Variants in PTPRG observed in about 807,000 individuals in gnomAD.
The protein encoded by PTPRG is receptor-type tyrosine-protein phosphatase gamma.
Under a neutral mutation model 165.3 loss-of-function variants are expected in PTPRG, and 102 were observed. That is an observed-to-expected ratio of 0.62 (90% CI 0.53 to 0.73). The LOEUF (loss-of-function observed/expected upper bound fraction) is 0.73. PTPRG is among the 30% of genes least tolerant of loss of function. The probability of loss-of-function intolerance (pLI) is 0.00; values close to 1 mark genes in which losing one functional copy is unlikely to be tolerated. For synonymous variants in PTPRG, 675 were observed against 669.5 expected (o/e 1.01, Z -0.13); for missense variants, 1,866 against 1,861.4 (o/e 1.00, Z -0.05).
At chr3:62,138,193 TG>T (rs1229228279) in intron 6 of PTPRG, among the ~76,000 whole-genome samples, 1 of 152,198 alleles carries the variant, frequency 6.6e-6, no homozygotes, top group Admixed American at 6.5e-5. Flanking sequence ...ATTTGCTTTT[TG>T]TCTAACATCA....
At chr3:61,905,690 T>G (rs1323533287) in intron 2 of PTPRG, among the ~76,000 whole-genome samples, 1 of 152,164 alleles carries the variant, frequency 6.6e-6, no homozygotes, top group Non-Finnish European at 1.5e-5. Context: ...ACCAAGCAGG[T>G]TCAGATATCT....
chr3:61,670,731 G>A (rs2107065231), intron 1 of PTPRG, among the ~76,000 whole-genome samples: 1 of 152,240 alleles, frequency 6.6e-6, no homozygotes, highest in East Asian at 1.9e-4. Flanking sequence ...TATTAGACTG[G>A]GCGCGAGTTT....
rs1312840006 is a variant in PTPRG at position 61,680,772 on chromosome 3, G to T, written c.86-68106G>T. 2.9e-5 allele frequency among the ~76,000 whole-genome samples: 2 copies of T among 69,426 alleles called. 1 individual carries two copies. The highest frequency in any genetic ancestry group is 8.1e-5 in the Non-Finnish European group (2 of 24,646). 45.5% of individuals were successfully genotyped at this position (69,426 alleles called of 152,430 possible). ...CAGGTTGCAGGGAGGTGGGGATGGG[G>T]ATGACTAGGGTCACAGCAGGCAATA... is the stretch of plus-strand genomic sequence containing the variant. On this transcript the variant is annotated intron_variant, in intron 1 of 29. Coordinates refer to ENST00000474889, the MANE Select transcript of PTPRG (RefSeq NM_002841.4).
chr3:61,582,382 A>G (rs1263923706), intron 1 of PTPRG, among the ~76,000 whole-genome samples: 1 of 152,210 alleles, frequency 6.6e-6, no homozygotes, highest in Admixed American at 6.5e-5. Flanking sequence ...AACCACATGT[A>G]GCCAAAGTGG....
At chr3:62,115,970 C>G (rs958427217) in intron 5 of PTPRG, among the ~76,000 whole-genome samples, 1 of 152,164 alleles carries the variant, frequency 6.6e-6, no homozygotes, top group Non-Finnish European at 1.5e-5. Flanking sequence ...ACAGTAATAA[C>G]CAGTATTTTG....
At chr3:61,793,973 G>A (rs2034971046) in intron 2 of PTPRG, among the ~76,000 whole-genome samples, 1 of 152,188 alleles carries the variant, frequency 6.6e-6, no homozygotes, top group Admixed American at 6.5e-5. Flanking sequence ...CAAACACCTT[G>A]TTGGAGCAAA....
chr3:62,197,714 C>T (rs1333258928), intron 10 of PTPRG, among the ~76,000 whole-genome samples: 1 of 152,160 alleles, frequency 6.6e-6, no homozygotes, highest in Non-Finnish European at 1.5e-5. Flanking sequence ...AACTGCCTTA[C>T]CTGATTAATA....
At chr3:61,571,974 AT>A (rs1448486482) in intron 1 of PTPRG, among the ~76,000 whole-genome samples, 1 of 152,096 alleles carries the variant, frequency 6.6e-6, no homozygotes, top group East Asian at 1.9e-4. Flanking sequence ...GGCTTCTAAA[AT>A]TTTTTTCTGG....
intron 2 of PTPRG, among the ~76,000 whole-genome samples, chr3:61,826,848 T>C (rs1194461579): frequency 1.3e-4 from 20 of 151,194 alleles, no homozygotes; most frequent in East Asian, 3.9e-4. Flanking sequence ...TTTTTTTTTT[T>C]CCGATTATGT....
chr3:62,283,337 T>A (rs936149282), intron 28 of PTPRG, among the ~76,000 whole-genome samples: 1 of 152,094 alleles, frequency 6.6e-6, no homozygotes, highest in Admixed American at 6.6e-5. Context: ...CATGATGTGT[T>A]TTAAAGTCTT....
intron 2 of PTPRG, among the ~76,000 whole-genome samples, chr3:61,880,636 A>AG (rs1559665845): frequency 6.6e-6 from 1 of 151,410 alleles, no homozygotes; most frequent in African/African-American, 2.4e-5. Flanking sequence ...AAAAAAAAAA[A>AG]AAAAAAAAGA....
chr3:62,123,734 A>C (rs896080024), intron 5 of PTPRG, among the ~76,000 whole-genome samples: 1 of 152,158 alleles, frequency 6.6e-6, no homozygotes, highest in Non-Finnish European at 1.5e-5. Context: ...ACAAGGTTTC[A>C]CTTAAATAGA....
chr3:61,604,835 A>T (rs1388260624), intron 1 of PTPRG, among the ~76,000 whole-genome samples: 1 of 152,146 alleles, frequency 6.6e-6, no homozygotes, highest in African/African-American at 2.4e-5. Flanking sequence ...GTTTTTCAAT[A>T]AAACTCCTTG....
At chr3:61,845,803 G>A (rs1189775652) in intron 2 of PTPRG, among the ~76,000 whole-genome samples, 1 of 152,176 alleles carries the variant, frequency 6.6e-6, no homozygotes, top group Non-Finnish European at 1.5e-5. Flanking sequence ...AAATGTCAGA[G>A]GTTCAGGGAG....
At chr3:62,022,413 A>T (rs2041717947) in intron 4 of PTPRG, among the ~76,000 whole-genome samples, 1 of 152,164 alleles carries the variant, frequency 6.6e-6, no homozygotes, top group Admixed American at 6.5e-5. Context: ...TTTTGTTTTG[A>T]CATAACTGAC....
intron 2 of PTPRG, among the ~76,000 whole-genome samples, chr3:61,822,153 A>T (rs2035974934): frequency 6.6e-6 from 1 of 152,184 alleles, no homozygotes; most frequent in Admixed American, 6.5e-5. Context: ...TGTTTTTGGA[A>T]ATGCTCCTCT....
intron 1 of PTPRG, among the ~76,000 whole-genome samples, chr3:61,607,062 A>T (rs1274510718): frequency 6.6e-6 from 1 of 152,112 alleles, no homozygotes; most frequent in Admixed American, 6.5e-5. Flanking sequence ...AGGAAAGAGG[A>T]CTCTCTGCCA....
At position 62,066,767 on chromosome 3, in the gene PTPRG, C is replaced by T. The variant is rs550530596; in HGVS notation, c.520-11396C>T. Among the ~76,000 whole-genome samples the T allele has an allele frequency of 1.2e-4, 19 of 152,264 alleles. 1 individual carries two copies. In the South Asian group the frequency reaches 1.5e-3, roughly 12 times the overall value. On this transcript the variant is annotated intron_variant, in intron 4 of 29. Coordinates refer to ENST00000474889, the MANE Select transcript of PTPRG (RefSeq NM_002841.4). ...ACAAAAGTGCTCTCCTGGCTGGGCG[C>T]GGTGGCTCATGCCTGTAATCCCAGC...
chr3:61,980,535 T>C (rs1441893043), intron 2 of PTPRG, among the ~76,000 whole-genome samples: 1 of 152,206 alleles, frequency 6.6e-6, no homozygotes, highest in African/African-American at 2.4e-5. Flanking sequence ...TTTTATATAT[T>C]CCATCCAGAA....
Sources: gnomAD v4.1 joint callset for allele counts (sites outside exome capture counted in the v4.1 genomes callset) on GRCh38, gnomAD v4.1.1 for gene constraint, MANE v1.5 for transcripts, NCBI Gene and HGNC (gene_info 2026-07-23, HGNC 2026-07-21) for gene names.